The following CHM variants were observed in gnomAD, a reference collection of about 807,000 sequenced individuals.
The protein encoded by CHM is rab proteins geranylgeranyltransferase component A 1.
CHM carries 10 observed loss-of-function variants against 49.0 expected under a neutral mutation model. The ratio of observed to expected loss-of-function variants is 0.20; its 90% CI spans 0.13 to 0.35. The LOEUF is 0.35. Among genes scored for constraint, CHM ranks in the 10% least tolerant of loss-of-function variants. The pLI, the probability that CHM is intolerant of heterozygous loss-of-function variation, is 1.00. For synonymous variants in CHM, 184 were observed against 167.5 expected, an observed-to-expected ratio of 1.10 and a Z score of -0.76; for missense variants, 455 against 478.4, an observed-to-expected ratio of 0.95 and a Z score of 0.46.
intron 8 of CHM, among the ~76,000 whole-genome samples, chrX:85,915,652 C>T (rs988705472): frequency 4.5e-5 from 5 of 111,903 alleles, no homozygotes; most frequent in Admixed American, 9.5e-5. Context: ...TATACACCAA[C>T]AACTGTCAAG....
At chrX:86,017,591 C>T (rs1933356162) in intron 2 of CHM, among the ~76,000 whole-genome samples, 1 of 111,568 alleles carries the variant, frequency 9.0e-6, no homozygotes, top group South Asian at 3.8e-4. Flanking sequence ...GATTCTGAGG[C>T]TTCCCCTGCC....
intron 8 of CHM, among the ~76,000 whole-genome samples, chrX:85,938,840 T>C (rs1224899308): frequency 9.0e-6 from 1 of 110,905 alleles, no homozygotes. Flanking sequence ...GTGTTTTTAA[T>C]GATGGCTGTA....
chrX:85,868,049 G>GTA (rs915343180), intron 14 of CHM, among the ~76,000 whole-genome samples: 1 of 111,062 alleles, frequency 9.0e-6, no homozygotes, highest in African/African-American at 3.3e-5. Flanking sequence ...GTGTGTGTGT[G>GTA]TGTGTTTGTA....
intron 8 of CHM, among the ~76,000 whole-genome samples, chrX:85,911,706 G>A (rs5967644): frequency 0.03 from 3,326 of 111,024 alleles, 116 homozygotes; most frequent in African/African-American, 0.1. Flanking sequence ...TCACCATTGA[G>A]AAGTGTTAAA....
intron 2 of CHM, among the ~76,000 whole-genome samples, chrX:86,008,433 C>T (rs757317299): frequency 9.0e-6 from 1 of 111,261 alleles, no homozygotes; most frequent in Non-Finnish European, 1.9e-5. Flanking sequence ...GACACATGTT[C>T]ATGGCACCTA....
intron 2 of CHM, among the ~76,000 whole-genome samples, chrX:86,025,260 T>C (rs1433636931): frequency 8.9e-6 from 1 of 112,156 alleles, no homozygotes; most frequent in Non-Finnish European, 1.9e-5. Context: ...GCTTTTCTAA[T>C]TGATTCACTG....
At chrX:85,970,917 TTAC>T (rs1287307903) in intron 4 of CHM, 12 of 722,121 alleles carry the variant, frequency 1.7e-5, no homozygotes, top group South Asian at 7.1e-5. Context: ...GATAGAATAA[TTAC>T]TACAATTTAC....
intron 1 of CHM, among the ~76,000 whole-genome samples, chrX:86,043,728 T>A (rs1385220085): frequency 9.3e-6 from 1 of 107,708 alleles, no homozygotes; most frequent in Non-Finnish European, 1.9e-5. Flanking sequence ...ACCTGGCCAA[T>A]GAAACTTTTT....
chrX:86,043,785 T>G (rs769462724), intron 1 of CHM, among the ~76,000 whole-genome samples: 1 of 109,060 alleles, frequency 9.2e-6, no homozygotes, highest in East Asian at 2.9e-4. Context: ...TAGAGTGCAG[T>G]GGTGCCATCT....
At chrX:85,956,090 A>T in intron 8 of CHM, 63 bp downstream of exon 8, 1 of 971,981 alleles carries the variant, frequency 1.0e-6, no homozygotes, top group Non-Finnish European at 1.5e-6. Context: ...TTGCCTGCCT[A>T]ATTTTCATCT....
At chrX:85,975,408 T>C (rs937884376) in intron 4 of CHM, among the ~76,000 whole-genome samples, 2 of 112,024 alleles carry the variant, frequency 1.8e-5, no homozygotes, top group African/African-American at 6.5e-5. Flanking sequence ...AAGATGTTTC[T>C]CAATGGGTGA....
intron 4 of CHM, among the ~76,000 whole-genome samples, chrX:85,965,760 C>T (rs1470382971): frequency 9.0e-6 from 1 of 111,049 alleles, no homozygotes; most frequent in Non-Finnish European, 1.9e-5. Context: ...AAATAAAATG[C>T]CATATTTACT....
chrX:86,025,093 A>C (rs965944230), intron 2 of CHM, among the ~76,000 whole-genome samples: 4 of 111,520 alleles, frequency 3.6e-5, no homozygotes, highest in African/African-American at 1.3e-4. Flanking sequence ...AGAAGCCCCA[A>C]ATCTAAGCTT....
At chrX:85,934,352 T>C (rs1381153795) in intron 8 of CHM, among the ~76,000 whole-genome samples, 3 of 98,488 alleles carry the variant, frequency 3.0e-5, no homozygotes, top group Non-Finnish European at 4.1e-5. Context: ...TGTATACATG[T>C]GCCATGGTGG....
chrX:85,895,623 A>G (rs1049850031), intron 11 of CHM, among the ~76,000 whole-genome samples: 2 of 112,153 alleles, frequency 1.8e-5, no homozygotes, highest in Non-Finnish European at 3.8e-5. Context: ...TGATGGCCCA[A>G]AGAGGAAACA....
chrX:86,025,164 G>A (rs1173908775), intron 2 of CHM, among the ~76,000 whole-genome samples: 2 of 111,471 alleles, frequency 1.8e-5, no homozygotes, highest in Non-Finnish European at 3.8e-5. Flanking sequence ...CAAGTCTGAG[G>A]ATGTACAAGA....
chrX:86,021,260 C>T (rs180853391), intron 2 of CHM, among the ~76,000 whole-genome samples: 1 of 102,653 alleles, frequency 9.7e-6, no homozygotes, highest in Admixed American at 1.1e-4. Flanking sequence ...GCAGAAACAG[C>T]ATTGTTAAGA....
At chrX:85,904,224 G>T (rs1222867426) in intron 9 of CHM, among the ~76,000 whole-genome samples, 2 of 111,060 alleles carry the variant, frequency 1.8e-5, no homozygotes, top group Middle Eastern at 4.3e-3. Context: ...TTAGTTGAGG[G>T]CCTTGCTGAG....
intron 1 of CHM, among the ~76,000 whole-genome samples, chrX:86,040,038 G>A (rs984037944): frequency 3.6e-5 from 4 of 111,921 alleles, no homozygotes; most frequent in African/African-American, 1.3e-4. Context: ...ACAAGAGCTC[G>A]GGAACGATGA....
Sources: gnomAD v4.1 joint callset for allele counts (sites outside exome capture counted in the v4.1 genomes callset) on GRCh38, gnomAD v4.1.1 for gene constraint, MANE v1.5 for transcripts, NCBI Gene and HGNC (gene_info 2026-07-23, HGNC 2026-07-21) for gene names.